GSG1L: variants seen among roughly 807,000 people sequenced by gnomAD.
GSG1L encodes germ cell-specific gene 1-like protein.
GSG1L carries 24 observed loss-of-function variants against 42.1 expected under a neutral mutation model. That is an observed-to-expected ratio of 0.57 (90% CI 0.41 to 0.80). The LOEUF (loss-of-function observed/expected upper bound fraction) is 0.80. GSG1L is among the 30% of genes least tolerant of loss of function. GSG1L has a pLI of 0.00. For synonymous variants in GSG1L, 215 were observed against 203.5 expected, an observed-to-expected ratio of 1.06 and a Z score of -0.48; for missense variants, 445 against 472.2, an observed-to-expected ratio of 0.94 and a Z score of 0.53.
intron 2 of GSG1L, among the ~76,000 whole-genome samples, chr16:27,946,622 AGAG>A (rs2084870375): frequency 9.0e-5 from 2 of 22,208 alleles, no homozygotes; most frequent in African/African-American, 4.6e-4. Context: ...AGAGAGAGAG[AGAG>A]AGAGAGAAAG....
At chr16:27,972,563 T>C (rs760830450) in intron 1 of GSG1L, among the ~76,000 whole-genome samples, 3 of 152,218 alleles carry the variant, frequency 2.0e-5, no homozygotes, top group African/African-American at 7.2e-5. Flanking sequence ...ACAGGTGCAC[T>C]TGTCTCTCAA....
chr16:27,986,489 G>A (rs942474531), intron 1 of GSG1L, among the ~76,000 whole-genome samples: 25 of 132,920 alleles, frequency 1.9e-4, no homozygotes, highest in Admixed American at 1.3e-3. Flanking sequence ...CTGAGCGACC[G>A]AGCGAGACTC....
At chr16:28,000,293 C>A (rs2141143292) in intron 1 of GSG1L, among the ~76,000 whole-genome samples, 1 of 152,266 alleles carries the variant, frequency 6.6e-6, no homozygotes, top group East Asian at 1.9e-4. Context: ...CATAGTGAGA[C>A]CTCGTCTCTA....
chr16:27,992,518 T>G (rs2085467459), intron 1 of GSG1L, among the ~76,000 whole-genome samples: 1 of 151,272 alleles, frequency 6.6e-6, no homozygotes, highest in Non-Finnish European at 1.5e-5. Context: ...AGGAATATTT[T>G]CTGGAGGGTG....
intron 1 of GSG1L, among the ~76,000 whole-genome samples, chr16:28,031,842 C>T (rs1303707456): frequency 6.6e-6 from 1 of 152,212 alleles, no homozygotes; most frequent in Non-Finnish European, 1.5e-5. Context: ...TTCTGACAGA[C>T]GAACCTCCAT....
At chr16:27,862,923 T>G (rs2083671150) in intron 3 of GSG1L, among the ~76,000 whole-genome samples, 1 of 152,132 alleles carries the variant, frequency 6.6e-6, no homozygotes, top group Admixed American at 6.5e-5. Flanking sequence ...ACATATATTC[T>G]CTAGGGTTTT....
At chr16:27,800,291 C>G (rs1307027551) in intron 6 of GSG1L, among the ~76,000 whole-genome samples, 1 of 152,232 alleles carries the variant, frequency 6.6e-6, no homozygotes, top group Non-Finnish European at 1.5e-5. Flanking sequence ...AAAATTCTTT[C>G]TTGAAATTCC....
At chr16:27,864,079 A>G (rs750899386) in intron 3 of GSG1L, among the ~76,000 whole-genome samples, 3 of 152,186 alleles carry the variant, frequency 2.0e-5, no homozygotes, top group Non-Finnish European at 4.4e-5. Context: ...TGTTGAATCC[A>G]TCAGCTCCCA....
intron 4 of GSG1L, among the ~76,000 whole-genome samples, chr16:27,830,476 CA>C (rs141223691): frequency 0.091 from 13,870 of 152,210 alleles, 723 homozygotes; most frequent in African/African-American, 0.13. Flanking sequence ...CTGCCTTTCT[CA>C]AAGGGATCCT....
chr16:27,863,541 C>T (rs2083680187), intron 3 of GSG1L, among the ~76,000 whole-genome samples: 1 of 152,096 alleles, frequency 6.6e-6, no homozygotes, highest in African/African-American at 2.4e-5. Flanking sequence ...TAACTTTTAA[C>T]TGATGAATTT....
At position 27,884,366 on chromosome 16, in the gene GSG1L, G is replaced by T; in HGVS notation, c.550+120C>A. On this transcript the variant is annotated intron_variant, in intron 3 of 6. Transcript: ENST00000447459. The surrounding 1 kb of genome is among the most constrained non-coding windows in gnomAD (Gnocchi z 4.4). Reference sequence around the variant, plus strand: ...ATTTTTTACAAACGATAAAACTGAGGCTCACAGAAGAGAAGCAATTTGTCC... The same window carrying T: ...ATTTTTTACAAACGATAAAACTGAGTCTCACAGAAGAGAAGCAATTTGTCC... 1.1e-6 allele frequency: 1 copy of T among 880,404 alleles called. No individual in the cohort carries two copies. Among genetic ancestry groups the T allele is most frequent in the Non-Finnish European group, 1.7e-6 (1 of 591,368 alleles). 54.5% of individuals were successfully genotyped at this position (880,404 alleles called of 1,614,324 possible).
chr16:27,919,195 G>A lies in GSG1L; in HGVS notation c.398-34557C>T, dbSNP rs77353365. ...TTTCAATTCTCATTCAAACCTGTTC[G>A]TATCCAAGATGACTCAATAAGGAGG... On this transcript the variant is annotated intron_variant, in intron 2 of 6. Coordinates refer to ENST00000447459, the MANE Select transcript of GSG1L (RefSeq NM_001109763.2). 2.1e-3 allele frequency among the ~76,000 whole-genome samples: 327 copies of A among 152,248 alleles called. 3 individuals carry two copies. The East Asian group carries it at 0.031, about 15-fold the overall frequency.
chr16:27,903,482 G>A (rs934596527), intron 2 of GSG1L, among the ~76,000 whole-genome samples: 5 of 152,142 alleles, frequency 3.3e-5, no homozygotes, highest in African/African-American at 1.2e-4. Context: ...CGTCCCCTGC[G>A]GACCCCGGGT....
intron 1 of GSG1L, among the ~76,000 whole-genome samples, chr16:28,021,834 G>A (rs917251485): frequency 1.3e-5 from 2 of 152,068 alleles, no homozygotes; most frequent in African/African-American, 2.4e-5. Context: ...AAATAATGTT[G>A]AGCAAGATGC....
At chr16:27,907,000 C>T (rs1013411274) in intron 2 of GSG1L, among the ~76,000 whole-genome samples, 3 of 152,226 alleles carry the variant, frequency 2.0e-5, no homozygotes, top group African/African-American at 7.2e-5. Flanking sequence ...ATTCTCAGCA[C>T]TTGAGTATGG....
chr16:27,939,831 T>A (rs973736936), intron 2 of GSG1L, among the ~76,000 whole-genome samples: 1 of 152,140 alleles, frequency 6.6e-6, no homozygotes, highest in Non-Finnish European at 1.5e-5. Context: ...CAGGCTAATT[T>A]TTTTTATTGT....
At chr16:27,799,233 C>CAAA (rs5816445) in intron 6 of GSG1L, among the ~76,000 whole-genome samples, 3 of 133,618 alleles carry the variant, frequency 2.2e-5, no homozygotes, top group Non-Finnish European at 3.2e-5. Context: ...CCATATCTAC[C>CAAA]AAAAAAAAAA....
At chr16:27,814,601 C>A (rs1458474411) in intron 5 of GSG1L, among the ~76,000 whole-genome samples, 1 of 151,326 alleles carries the variant, frequency 6.6e-6, no homozygotes, top group East Asian at 2.0e-4. Flanking sequence ...AGAAGAATCA[C>A]CTGAACCCAG....
intron 1 of GSG1L, among the ~76,000 whole-genome samples, chr16:27,995,161 C>A (rs1596683915): frequency 6.6e-6 from 1 of 152,236 alleles, no homozygotes; most frequent in Non-Finnish European, 1.5e-5. Flanking sequence ...GGGCTCTCCT[C>A]AGGGGAGACT....
Sources: allele counts gnomAD v4.1 joint callset (sites outside exome capture counted in the v4.1 genomes callset), GRCh38; gene constraint gnomAD v4.1.1; non-coding constraint Gnocchi (gnomAD v3.1); transcripts MANE v1.5; gene names NCBI Gene and HGNC (gene_info 2026-07-23, HGNC 2026-07-21).